Variants in PLEKHG3 observed in about 807,000 individuals in gnomAD.
The protein encoded by PLEKHG3 is pleckstrin homology and RhoGEF domain containing G3, also known as pleckstrin homology domain-containing family G member 3.
Under a neutral mutation model 94.9 loss-of-function variants are expected in PLEKHG3, and 62 were observed. The observed-to-expected ratio is 0.65, with a 90% confidence interval of 0.53 to 0.81. PLEKHG3 has a LOEUF of 0.81. Among genes scored for constraint, PLEKHG3 ranks in the 30% least tolerant of loss-of-function variants. The pLI is 0.00. For synonymous variants in PLEKHG3, 614 were observed against 654.0 expected, an observed-to-expected ratio of 0.94 and a Z score of 0.93; for missense variants, 1,461 against 1,619.3, an observed-to-expected ratio of 0.90 and a Z score of 1.68.
rs575204431 is a variant in PLEKHG3, at chr14:64,730,882, C to G, written c.650C>G (p.Ser217Trp). The change falls in exon 6 of 17, where the codon TCG (serine) becomes TGG (tryptophan). Residue 217 changes from serine to tryptophan, a missense_variant. Ser to Trp is a radical substitution (Grantham distance 177). Around this residue, in one of 3 missense-constraint regions of PLEKHG3, gnomAD observed 253 missense variants for 297.8 expected, o/e 0.85. Coordinates refer to ENST00000247226, the MANE Select transcript of PLEKHG3 (RefSeq NM_001308147.2). The surrounding 1 kb of genome is among the most constrained non-coding windows in gnomAD (Gnocchi z 5.4). The stretch of plus-strand genomic sequence containing the variant: ...GACCGGCAGGAGCTGCTACAGCACT[C>G]GCTGCCCTTGGGCTCCTACCTGCTG... ...FRDRQELLQHSLPLGSYLLKP... is the reference protein window; with the variant it reads ...FRDRQELLQHWLPLGSYLLKP... 2.5e-6 allele frequency: 4 copies of G among 1,613,126 alleles called. No individual in the cohort carries two copies. In the Admixed American group the frequency reaches 6.7e-5, roughly 27 times the overall value.
At chr14:64,737,735 A>C (rs2081599285) in intron 14 of PLEKHG3, 1 of 402,230 alleles carries the variant, frequency 2.5e-6, no homozygotes, top group East Asian at 8.0e-5. Context: ...CCTGGACCCC[A>C]GTGGCAACCT....
rs1452601931 is a variant in PLEKHG3, at chr14:64,742,010, G to A, written c.2493G>A (p.Gly831=). 1 of 1,578,134 alleles carries A rather than the reference G, an allele frequency of 6.3e-7. No homozygotes were observed. ...MESSGGSPGK[G]PGQGQANGFD... ...CTTCCGGAGGGAGCCCTGGGAAGGG[G>A]CCAGGCCAGGGCCAGGCCAATGGCT... The change falls in exon 16 of 17, where the codon GGG becomes GGA. Residue 831 remains glycine (G), a synonymous_variant. Coordinates refer to ENST00000247226, the MANE Select transcript of PLEKHG3 (RefSeq NM_001308147.2).
intron 14 of PLEKHG3, chr14:64,737,867 A>T: frequency 1.7e-6 from 2 of 1,192,802 alleles, no homozygotes; most frequent in South Asian, 3.1e-5. Flanking sequence ...AACAGCATGC[A>T]GGCAGTGCTG....
chr14:64,732,865 G>A lies in PLEKHG3; in HGVS notation c.1309G>A (p.Val437Met), dbSNP rs1566708401. The A allele has an allele frequency of 6.2e-7, 1 of 1,610,908 alleles. No homozygotes were observed. Among genetic ancestry groups the A allele is most frequent in the Admixed American group, 1.7e-5 (1 of 59,630 alleles). ...GAAGGCTTGGTCCTCCCAGGATGAG[G>A]TGTCCACCAATGTGCGCCAGGGGCG... Reference protein sequence around the residue: ...LKKAWSSQDEVSTNVRQGRRQ... With the variant: ...LKKAWSSQDEMSTNVRQGRRQ... Residue 437 changes from valine to methionine, a missense_variant, in exon 12 of 17, where the codon GTG (valine) becomes ATG (methionine). Coordinates refer to ENST00000247226, the MANE Select transcript of PLEKHG3 (RefSeq NM_001308147.2). This position sits in a 1 kb window ranked among gnomAD's most constrained non-coding sequence, Gnocchi z 4.9.
In PLEKHG3 at chr14:64,716,492, ACACAACAC is replaced by A. The variant is rs1419509872; in HGVS notation, c.-39-11100_-39-11093del. 5.4e-5 allele frequency among the ~76,000 whole-genome samples: 5 copies of A among 92,742 alleles called. No individual in the cohort carries two copies. Among genetic ancestry groups the A allele is most frequent in the Non-Finnish European group, 1.1e-4 (5 of 45,116 alleles). The allele number at this position is 92,742 out of a possible 152,430, so 60.8% of individuals were successfully genotyped here. On this transcript the variant is annotated intron_variant, in intron 1 of 16. Transcript: ENST00000247226. The surrounding 1 kb of genome is among the most constrained non-coding windows in gnomAD (Gnocchi z 5.0). ...ACACACACACACACAACACACACACACACAACACACACACACACACACACACACACACA... is the reference window on the plus strand; with the variant it reads ...ACACACACACACACAACACACACACAACACACACACACACACACACACACA...
rs1278116963 is a variant in PLEKHG3, at chr14:64,741,725, C to T, written c.2208C>T (p.Val736=). 4 of 1,613,118 alleles carry T rather than the reference C, an allele frequency of 2.5e-6. No homozygotes were observed. Among genetic ancestry groups the T allele is most frequent in the South Asian group, 1.1e-5 (1 of 91,084 alleles). ...NAEHHDAGFS[V]RRRESLSYIP... ...AACACCATGATGCAGGCTTCAGCGT[C>T]CGTCGCCGGGAGAGCCTCTCCTACA... is the stretch of plus-strand genomic sequence containing the variant. Residue 736 remains valine, a synonymous_variant, in exon 16 of 17, where the codon GTC becomes GTT. Transcript: ENST00000247226.
chr14:64,712,532 C>G (rs995630227), intron 1 of PLEKHG3, among the ~76,000 whole-genome samples: 5 of 152,196 alleles, frequency 3.3e-5, no homozygotes, highest in Admixed American at 3.3e-4. Context: ...AAGTCTTACA[C>G]TTCTTTCGTT....
At chr14:64,712,335 G>A (rs536169251) in intron 1 of PLEKHG3, among the ~76,000 whole-genome samples, 3 of 151,968 alleles carry the variant, frequency 2.0e-5, no homozygotes, top group African/African-American at 7.2e-5. Flanking sequence ...ATGAATTTTA[G>A]GATCAGCTTG....
At chr14:64,742,835 G>A in intron 16 of PLEKHG3, 147 bp from the exon 17 acceptor site, 2 of 739,764 alleles carry the variant, frequency 2.7e-6, no homozygotes, top group Non-Finnish European at 4.6e-6. Flanking sequence ...GAAAGAGGCT[G>A]TGGATGGTAA....
In PLEKHG3 at chr14:64,749,570, T is replaced by G; in HGVS notation, c.*5867T>G. On this transcript the variant is annotated 3_prime_UTR_variant, in exon 17 of 17. Coordinates refer to ENST00000247226, the MANE Select transcript of PLEKHG3 (RefSeq NM_001308147.2). The surrounding 1 kb of genome is among the most constrained non-coding windows in gnomAD (Gnocchi z 4.7). ...TGGGGGCTCTTGGGACTGCCCCTTC[T>G]GAGGGGGCCTCCAGGGCAAGCGGCC... The G allele has an allele frequency of 6.2e-7, 1 of 1,606,150 alleles. No individual in the cohort carries two copies. Among genetic ancestry groups the G allele is most frequent in the South Asian group, 1.1e-5 (1 of 90,882 alleles).
At position 64,730,979 on chromosome 14, in the gene PLEKHG3, G is replaced by A. The variant is rs1566705838; in HGVS notation, c.717+30G>A. 3.1e-6 allele frequency: 5 copies of A among 1,613,470 alleles called. No individual in the cohort carries two copies. Among genetic ancestry groups the A allele is most frequent in the Middle Eastern group, 1.6e-4 (1 of 6,084 alleles). The stretch of plus-strand genomic sequence containing the variant: ...CCCCTCGGTCCTCCCAAGCACCTAG[G>A]GCCTGGGGAGGGCAGGGCCTTCGGG... On this transcript the variant is annotated intron_variant, in intron 6 of 16. Coordinates refer to ENST00000247226, the MANE Select transcript of PLEKHG3 (RefSeq NM_001308147.2). The surrounding 1 kb of genome is among the most constrained non-coding windows in gnomAD (Gnocchi z 5.4).
Position 64,731,207 on chromosome 14 carries a change from TG to T in PLEKHG3, c.849+41del. On this transcript the variant is annotated intron_variant, in intron 7 of 16. Coordinates refer to ENST00000247226, the MANE Select transcript of PLEKHG3 (RefSeq NM_001308147.2). The surrounding 1 kb of genome is among the most constrained non-coding windows in gnomAD (Gnocchi z 6.1). ...TGGGACGCTGGGGGAGGGGCAGGGC[TG>T]GGTGGGCCAGGCTTCCGCTGGGAAG... The T allele has an allele frequency of 3.9e-6, 3 of 763,690 alleles. No homozygotes were observed. Among genetic ancestry groups the T allele is most frequent in the Non-Finnish European group, 6.5e-6 (3 of 462,866 alleles). The allele number at this position is 763,690 out of a possible 1,614,324, so 47.3% of individuals were successfully genotyped here.
Position 64,741,626 on chromosome 14 carries a change from G to A in PLEKHG3, c.2109G>A (p.Lys703=). ...TGGAGCCTGACCGGTCTTCCTGCAA[G>A]AAGAAGGAATCAGCACTCTCCACCC... ...CPVEPDRSSC[K]KKESALSTRD... The change falls in exon 16 of 17, where the codon AAG becomes AAA. Residue 703 remains lysine, a synonymous_variant. Coordinates refer to ENST00000247226, the MANE Select transcript of PLEKHG3 (RefSeq NM_001308147.2). The A allele has an allele frequency of 6.2e-7, 1 of 1,612,910 alleles. No homozygotes were observed. The highest frequency in any genetic ancestry group is 1.3e-5 in the African/African-American group (1 of 75,066).
In PLEKHG3 at chr14:64,728,260, T is replaced by G. The variant is rs1027809865; in HGVS notation, c.351+278T>G. Among the ~76,000 whole-genome samples the G allele has an allele frequency of 6.6e-6, 1 of 152,170 alleles. No individual in the cohort carries two copies. Among genetic ancestry groups the G allele is most frequent in the African/African-American group, 2.4e-5 (1 of 41,448 alleles). ...GAGAGCCTGTGCCACAGAGACTGAA[T>G]GGAGTGAAGACATGGGCTCTGGGCC... On this transcript the variant is annotated intron_variant, in intron 2 of 16. Coordinates refer to ENST00000247226, the MANE Select transcript of PLEKHG3 (RefSeq NM_001308147.2). The surrounding 1 kb of genome is among the most constrained non-coding windows in gnomAD (Gnocchi z 5.9).
chr14:64,731,254 T>C lies in PLEKHG3; in HGVS notation c.849+85T>C. On this transcript the variant is annotated intron_variant, in intron 7 of 16. Transcript: ENST00000247226. The surrounding 1 kb of genome is among the most constrained non-coding windows in gnomAD (Gnocchi z 6.1). ...GGAAGAGGGACTGTGGCCACCCTGC[T>C]GGGATGAGCTGGGCAGTGGCATTGG... 2 of 1,458,430 alleles carry C rather than the reference T, an allele frequency of 1.4e-6. No homozygotes were observed. Among genetic ancestry groups the C allele is most frequent in the Non-Finnish European group, 1.9e-6 (2 of 1,051,404 alleles). The allele number at this position is 1,458,430 out of a possible 1,614,324, so 90.3% of individuals were successfully genotyped here.
In PLEKHG3 at chr14:64,727,736, C is replaced by T; in HGVS notation, c.105C>T (p.Ala35=). ...GCTCCTCCTGTGACAGTCGCAGTGC[C>T]ATGGAGGAGCCCAGCAGCTCCGAGG... The part of the protein sequence containing the change: ...SSGSSCDSRS[A]MEEPSSSEAP... The change falls in exon 2 of 17, where the codon GCC becomes GCT. Residue 35 remains alanine (A), a synonymous_variant. Transcript: ENST00000247226. The surrounding 1 kb of genome is among the most constrained non-coding windows in gnomAD (Gnocchi z 6.0). 1 of 1,611,808 alleles carries T rather than the reference C, an allele frequency of 6.2e-7. No homozygotes were observed. The highest frequency in any genetic ancestry group is 8.5e-7 in the Non-Finnish European group (1 of 1,179,178).
Position 64,723,035 on chromosome 14 carries a change from G to T in PLEKHG3, c.-39-4558G>T, listed in dbSNP as rs61987056. 2.8e-3 allele frequency among the ~76,000 whole-genome samples: 433 copies of T among 152,270 alleles called. 2 individuals carry two copies. The highest frequency in any genetic ancestry group is 5.1e-3 in the Non-Finnish European group (345 of 68,008). ...ATGGGGCATGGTGCTGAGGCGTAGTGGGGAGGGGAAGGATGTGGCCCCAGT... is the reference window on the plus strand; with the variant it reads ...ATGGGGCATGGTGCTGAGGCGTAGTTGGGAGGGGAAGGATGTGGCCCCAGT... On this transcript the variant is annotated intron_variant, in intron 1 of 16. Transcript: ENST00000247226. This position sits in a 1 kb window ranked among gnomAD's most constrained non-coding sequence, Gnocchi z 4.5.
intron 1 of PLEKHG3, among the ~76,000 whole-genome samples, chr14:64,711,298 A>G (rs544438645): frequency 5.3e-5 from 8 of 152,328 alleles, no homozygotes; most frequent in African/African-American, 1.9e-4. Flanking sequence ...AGCTGGCCAA[A>G]GTTTGACTGT....
At chr14:64,705,626 G>C (rs765977237) in intron 1 of PLEKHG3, among the ~76,000 whole-genome samples, 1 of 152,196 alleles carries the variant, frequency 6.6e-6, no homozygotes, top group African/African-American at 2.4e-5. Flanking sequence ...CTCCCCAGCC[G>C]TGCCTCTGCA....
Sources: allele counts gnomAD v4.1 joint callset (sites outside exome capture counted in the v4.1 genomes callset), GRCh38; gene constraint gnomAD v4.1.1; regional missense constraint gnomAD v4.1.1; non-coding constraint Gnocchi (gnomAD v3.1); transcripts MANE v1.5; gene names NCBI Gene and HGNC (gene_info 2026-07-23, HGNC 2026-07-21).